COL4A6: variants seen among roughly 807,000 people sequenced by gnomAD.
COL4A6 encodes the protein collagen alpha-6(IV) chain.
In COL4A6, 59 loss-of-function variants were observed where a neutral mutation model predicts 126.7. The ratio of observed to expected loss-of-function variants is 0.47; its 90% CI spans 0.38 to 0.58. COL4A6 has a LOEUF of 0.58. COL4A6 is among the 20% of genes least tolerant of loss of function. COL4A6 has a pLI of 0.00. For missense variants in COL4A6, 1,285 were observed against 1,337.3 expected (o/e 0.96, Z 0.61); for synonymous variants, 547 against 496.6 (o/e 1.10, Z -1.35).
intron 3 of COL4A6, among the ~76,000 whole-genome samples, chrX:108,271,116 G>C (rs2037438820): frequency 8.9e-6 from 1 of 112,331 alleles, no homozygotes; most frequent in African/African-American, 3.2e-5. Context: ...GTCAGCGTTG[G>C]TGAAGTCTTG....
intron 3 of COL4A6, among the ~76,000 whole-genome samples, 183 bp downstream of exon 3, chrX:108,310,565 A>G (rs746333730): frequency 8.9e-6 from 1 of 112,394 alleles, no homozygotes; most frequent in Non-Finnish European, 1.9e-5. Context: ...TTGGTACCTC[A>G]GAGAGTTTGA....
At chrX:108,421,671 G>A (rs2063983728) in intron 2 of COL4A6, among the ~76,000 whole-genome samples, 1 of 111,819 alleles carries the variant, frequency 8.9e-6, no homozygotes, top group Non-Finnish European at 1.9e-5. Context: ...TTAAAGCTAT[G>A]GACCTTTTCC....
intron 11 of COL4A6, 38 bp downstream of exon 11, chrX:108,205,401 A>G (rs1233131225): frequency 9.3e-7 from 1 of 1,075,192 alleles, no homozygotes; most frequent in South Asian, 1.9e-5. Context: ...TTCTTGCAGC[A>G]TATGGAAGGC....
chrX:108,200,554 G>A (rs2035360118), intron 13 of COL4A6, among the ~76,000 whole-genome samples: 1 of 111,915 alleles, frequency 8.9e-6, no homozygotes, highest in East Asian at 2.8e-4. Context: ...TTTATCTCAT[G>A]GAGGTAGAAA....
chrX:108,170,143 A>G, intron 35 of COL4A6, 127 bp from the exon 36 acceptor site: 1 of 546,664 alleles, frequency 1.8e-6, no homozygotes, highest in South Asian at 3.0e-5. Context: ...TTTTTGAGGC[A>G]TTTACTTAAT....
chrX:108,398,933 G>T lies in COL4A6; in HGVS notation c.63+39009C>A, dbSNP rs1309867211. Reference sequence around the variant, plus strand: ...GAGAAAAGTGGCAATAAATACTTTGGCGCTAGAGTGTCAGGGCAGAATAAG... The same window carrying T: ...GAGAAAAGTGGCAATAAATACTTTGTCGCTAGAGTGTCAGGGCAGAATAAG... On this transcript the variant is annotated intron_variant, in intron 2 of 44. Coordinates refer to ENST00000334504, the MANE Select transcript of COL4A6 (RefSeq NM_033641.4). 3.6e-5 allele frequency among the ~76,000 whole-genome samples: 4 copies of T among 111,705 alleles called. No individual in the cohort carries two copies. The East Asian group carries it at 1.1e-3, about 31-fold the overall frequency.
At chrX:108,411,318 T>C (rs2041324170) in intron 2 of COL4A6, among the ~76,000 whole-genome samples, 2 of 112,071 alleles carry the variant, frequency 1.8e-5, no homozygotes, top group Non-Finnish European at 3.8e-5. Flanking sequence ...ATAGTAAGTT[T>C]ACCCTTTAAT....
At chrX:108,318,697 A>G (rs184598185) in intron 2 of COL4A6, among the ~76,000 whole-genome samples, 1 of 112,562 alleles carries the variant, frequency 8.9e-6, no homozygotes, top group African/African-American at 3.2e-5. Flanking sequence ...AAGGAGAACT[A>G]CAAACCACTG....
intron 2 of COL4A6, among the ~76,000 whole-genome samples, chrX:108,416,309 A>T (rs2041434326): frequency 8.9e-6 from 1 of 112,005 alleles, no homozygotes; most frequent in Middle Eastern, 4.2e-3. Flanking sequence ...GTGTATGCTG[A>T]AAAAGCACCA....
intron 5 of COL4A6, among the ~76,000 whole-genome samples, chrX:108,218,002 C>G (rs1602840880): frequency 8.9e-6 from 1 of 111,970 alleles, no homozygotes; most frequent in East Asian, 2.8e-4. Flanking sequence ...AGCAATGAAG[C>G]CTCGAAGAGA....
Position 108,196,535 on chromosome X carries a change from T to C in COL4A6, c.879A>G (p.Gly293=), listed in dbSNP as rs2035220661. The change falls in exon 14 of 45, where the codon GGA becomes GGG. Residue 293 remains glycine, a synonymous_variant. Transcript: ENST00000334504. ...TGEKGEKGEK[G]IPGLPGPRGP... is the part of the protein sequence containing the mutation. ...CCCTAGGTCCTGGCAAACCAGGGAT[T>C]CCCTTTTCTCCCTTTTCTCCCTTTT... 8.4e-7 allele frequency: 1 copy of C among 1,195,146 alleles called. No homozygotes were observed. The highest frequency in any genetic ancestry group is 3.0e-5 in the East Asian group (1 of 33,439).
At chrX:108,382,325 TG>T (rs751951942) in intron 2 of COL4A6, among the ~76,000 whole-genome samples, 1 of 112,363 alleles carries the variant, frequency 8.9e-6, no homozygotes, top group African/African-American at 3.2e-5. Flanking sequence ...ACTGGGTAGT[TG>T]TGAAGATGAA....
intron 2 of COL4A6, among the ~76,000 whole-genome samples, chrX:108,333,619 T>A (rs1192758635): frequency 9.0e-6 from 1 of 111,657 alleles, no homozygotes; most frequent in Non-Finnish European, 1.9e-5. Flanking sequence ...AAAGAGAAAG[T>A]CAAATTATCT....
chrX:108,218,226 C>T lies in COL4A6; in HGVS notation c.324+1472G>A, dbSNP rs930292918. Among the ~76,000 whole-genome samples, 8 of 112,455 alleles carry T rather than the reference C, an allele frequency of 7.1e-5. No individual in the cohort carries two copies. In the East Asian group the frequency reaches 8.4e-4, roughly 12 times the overall value. On this transcript the variant is annotated intron_variant, in intron 5 of 44. Coordinates refer to ENST00000334504, the MANE Select transcript of COL4A6 (RefSeq NM_033641.4). Reference sequence around the variant, plus strand: ...AGTCCTCCACTCATCTCTGGCAAAGCCAGGTCCACAGGATGAATGGAAGAG... The same window carrying T: ...AGTCCTCCACTCATCTCTGGCAAAGTCAGGTCCACAGGATGAATGGAAGAG...
At chrX:108,185,695 T>C (rs1197840079) in intron 23 of COL4A6, among the ~76,000 whole-genome samples, 1 of 112,241 alleles carries the variant, frequency 8.9e-6, no homozygotes, top group East Asian at 2.8e-4. Flanking sequence ...TAGTCTCCTA[T>C]GGAACACTGC....
At chrX:108,363,475 G>C (rs190038852) in intron 2 of COL4A6, among the ~76,000 whole-genome samples, 48 of 111,767 alleles carry the variant, frequency 4.3e-4, no homozygotes, top group Non-Finnish European at 7.0e-4. Context: ...AAAGTAGCAG[G>C]GGCGTATTTT....
intron 42 of COL4A6, among the ~76,000 whole-genome samples, chrX:108,160,930 C>A (rs982626148): frequency 4.5e-5 from 5 of 112,089 alleles, no homozygotes; most frequent in Non-Finnish European, 9.4e-5. Context: ...GTTAGGCTTC[C>A]TTCCCATAGC....
chrX:108,384,868 C>A (rs1364387917), intron 2 of COL4A6, among the ~76,000 whole-genome samples: 4 of 111,219 alleles, frequency 3.6e-5, no homozygotes, highest in South Asian at 7.7e-4. Flanking sequence ...AAACTTACAC[C>A]AAGACTTTGC....
At chrX:108,161,399 C>T (rs913561621) in intron 42 of COL4A6, among the ~76,000 whole-genome samples, 1 of 111,639 alleles carries the variant, frequency 9.0e-6, no homozygotes, top group Non-Finnish European at 1.9e-5. Context: ...GGATTTGGAA[C>T]AGTCCTTTGC....
Sources: allele counts gnomAD v4.1 joint callset (sites outside exome capture counted in the v4.1 genomes callset), GRCh38; gene constraint gnomAD v4.1.1; transcripts MANE v1.5; gene names NCBI Gene and HGNC (gene_info 2026-07-23, HGNC 2026-07-21).